COL25A1: variants seen among roughly 807,000 people sequenced by gnomAD.
The protein encoded by COL25A1 is collagen type XXV alpha 1 chain, also known as collagen alpha-1(XXV) chain.
Under a neutral mutation model 128.4 loss-of-function variants are expected in COL25A1, and 103 were observed. The observed-to-expected ratio is 0.80, with a 90% confidence interval of 0.68 to 0.94. The LOEUF is 0.94. Among genes scored for constraint, COL25A1 ranks in the 40% least tolerant of loss-of-function variants. COL25A1 has a pLI of 0.00. For missense variants in COL25A1, 745 were observed against 840.0 expected (o/e 0.89, Z 1.40); for synonymous variants, 279 against 277.2 (o/e 1.01, Z -0.06).
In COL25A1 at chr4:108,871,780, A is replaced by C. The variant is rs559604002; in HGVS notation, c.1021-2630T>G. Among the ~76,000 whole-genome samples the C allele has an allele frequency of 1.6e-4, 24 of 152,326 alleles. 1 individual carries two copies. Among genetic ancestry groups the C allele is most frequent in the African/African-American group, 5.8e-4 (24 of 41,582 alleles). On this transcript the variant is annotated intron_variant, in intron 19 of 37. Coordinates refer to ENST00000399132, the MANE Select transcript of COL25A1 (RefSeq NM_198721.4). ...TTAGGATCACAGTTTTCGTCTATTT[A>C]CTTCCAGAGGTCTGAATCACTTTAG...
chr4:109,084,102 G>A (rs759802856), intron 3 of COL25A1, among the ~76,000 whole-genome samples: 38 of 152,170 alleles, frequency 2.5e-4, no homozygotes, highest in African/African-American at 8.7e-4. Flanking sequence ...AGAACTTAGA[G>A]CTTCCTCATT....
At chr4:109,087,988 C>G (rs941408224) in intron 3 of COL25A1, among the ~76,000 whole-genome samples, 1 of 151,322 alleles carries the variant, frequency 6.6e-6, no homozygotes, top group Non-Finnish European at 1.5e-5. Context: ...TACTCTGAAG[C>G]TTCTGTGGTA....
At chr4:108,833,906 G>A (rs189498470) in intron 31 of COL25A1, among the ~76,000 whole-genome samples, 2 of 152,304 alleles carry the variant, frequency 1.3e-5, no homozygotes, top group Admixed American at 1.3e-4. Context: ...TTGAAAGTTA[G>A]TGCCAAGGAA....
Position 108,834,499 on chromosome 4 carries a change from C to T in COL25A1, c.1657-2066G>A, listed in dbSNP as rs114285458. The stretch of plus-strand genomic sequence containing the variant: ...ATGTAACACTTCAAACAACATAATA[C>T]GCAGTTACAGGGTTCTGGGATGAAT... On this transcript the variant is annotated intron_variant, in intron 31 of 37. Coordinates refer to ENST00000399132, the MANE Select transcript of COL25A1 (RefSeq NM_198721.4). 664 of 952,588 alleles carry T rather than the reference C, an allele frequency of 7.0e-4. 5 individuals are homozygous for T. In the African/African-American group the frequency reaches 9.3e-3, roughly 13 times the overall value. The allele number at this position is 952,588 out of a possible 1,614,324, so 59.0% of individuals were successfully genotyped here. A position where few individuals can be genotyped will look rare whatever the true frequency, so the allele number is the denominator to read the frequency against.
chr4:109,043,654 A>T (rs1270517995), intron 5 of COL25A1, among the ~76,000 whole-genome samples: 1 of 152,118 alleles, frequency 6.6e-6, no homozygotes, highest in Non-Finnish European at 1.5e-5. Context: ...TGACCTGTGA[A>T]TATTAGAATA....
At chr4:108,980,540 A>C (rs1752874032) in intron 6 of COL25A1, among the ~76,000 whole-genome samples, 1 of 152,204 alleles carries the variant, frequency 6.6e-6, no homozygotes, top group African/African-American at 2.4e-5. Flanking sequence ...TCAAATCCAC[A>C]GTGTTGGCAG....
At chr4:109,138,024 A>G (rs1409494717) in intron 3 of COL25A1, among the ~76,000 whole-genome samples, 1 of 91,324 alleles carries the variant, frequency 1.1e-5, no homozygotes, top group Admixed American at 1.2e-4. Context: ...GTTGGGATAC[A>G]TGTGCAGAAC....
At chr4:108,992,143 T>C (rs1754291028) in intron 6 of COL25A1, among the ~76,000 whole-genome samples, 1 of 152,202 alleles carries the variant, frequency 6.6e-6, no homozygotes, top group Admixed American at 6.5e-5. Flanking sequence ...TTTTTCTCAC[T>C]GAGTAATACA....
intron 6 of COL25A1, among the ~76,000 whole-genome samples, chr4:109,010,060 G>A (rs935523306): frequency 6.6e-6 from 1 of 152,106 alleles, no homozygotes; most frequent in South Asian, 2.1e-4. Flanking sequence ...GTTCATACTC[G>A]ACTTTTATGT....
At chr4:108,940,095 T>C (rs993348918) in intron 10 of COL25A1, among the ~76,000 whole-genome samples, 2 of 152,198 alleles carry the variant, frequency 1.3e-5, no homozygotes, top group African/African-American at 2.4e-5. Context: ...TAGGACTTTA[T>C]TGGTCTGCTA....
At chr4:109,255,971 C>T (rs1481360390) in intron 3 of COL25A1, among the ~76,000 whole-genome samples, 3 of 152,112 alleles carry the variant, frequency 2.0e-5, no homozygotes, top group Admixed American at 2.0e-4. Context: ...GCATACCTAG[C>T]TCCCACATCA....
intron 3 of COL25A1, among the ~76,000 whole-genome samples, chr4:109,246,214 T>C (rs968420070): frequency 6.6e-6 from 1 of 152,212 alleles, no homozygotes; most frequent in Admixed American, 6.5e-5. Flanking sequence ...AATATTCAAA[T>C]TGTCCTCAAG....
rs376988954 is a variant in COL25A1 at position 109,154,538 on chromosome 4, T to C, written c.368-104359A>G. On this transcript the variant is annotated intron_variant, in intron 3 of 37. Coordinates refer to ENST00000399132, the MANE Select transcript of COL25A1 (RefSeq NM_198721.4). ...GTTAGGGACTGCATGGTGTGACTGT[T>C]GGGTCAGGTCTGTGGGGCACATACA... Among the ~76,000 whole-genome samples the C allele has an allele frequency of 9.7e-4, 148 of 152,292 alleles. No individual in the cohort carries two copies. The East Asian group carries it at 0.017, about 17-fold the overall frequency.
chr4:108,835,460 T>C (rs1733660970), intron 31 of COL25A1, among the ~76,000 whole-genome samples: 1 of 152,218 alleles, frequency 6.6e-6, no homozygotes, highest in Non-Finnish European at 1.5e-5. Context: ...ACTCTACCAA[T>C]GATGTTATTC....
At chr4:108,960,079 G>A (rs1401491473) in intron 8 of COL25A1, among the ~76,000 whole-genome samples, 1 of 152,088 alleles carries the variant, frequency 6.6e-6, no homozygotes, top group Non-Finnish European at 1.5e-5. Context: ...GTATTCTAGA[G>A]TTTCCTAATA....
Position 109,302,293 on chromosome 4 carries a change from C to T in COL25A1, c.-181G>A. 1 of 451,512 alleles carries T rather than the reference C, an allele frequency of 2.2e-6. No homozygotes were observed. The allele number at this position is 451,512 out of a possible 1,614,324, so 28.0% of individuals were successfully genotyped here. A position where few individuals can be genotyped will look rare whatever the true frequency, so the allele number is the denominator to read the frequency against. On this transcript the variant is annotated 5_prime_UTR_variant, in exon 1 of 38. Coordinates refer to ENST00000399132, the MANE Select transcript of COL25A1 (RefSeq NM_198721.4). Reference sequence around the variant, plus strand: ...GGTGGCGGTGGGGTAAAAAGCAAGACGAAACCCACCCAGACAGCTCTTCCG... The same window carrying T: ...GGTGGCGGTGGGGTAAAAAGCAAGATGAAACCCACCCAGACAGCTCTTCCG...
intron 18 of COL25A1, among the ~76,000 whole-genome samples, chr4:108,885,053 G>A (rs1316875629): frequency 1.3e-5 from 2 of 152,146 alleles, no homozygotes; most frequent in African/African-American, 4.8e-5. Flanking sequence ...CCTCTCTGTT[G>A]GATTGAAGTG....
chr4:108,860,796 T>C (rs752921204), intron 23 of COL25A1, 131 bp downstream of exon 23: 15 of 775,830 alleles, frequency 1.9e-5, no homozygotes, highest in Non-Finnish European at 3.3e-5. Context: ...CAGGAATAAT[T>C]ACAGTAGTCT....
chr4:108,970,362 T>C (rs1751781576), intron 8 of COL25A1, among the ~76,000 whole-genome samples: 2 of 152,216 alleles, frequency 1.3e-5, no homozygotes, highest in African/African-American at 4.8e-5. Context: ...TTTCCATCTA[T>C]ATGACACAAT....
Sources: gnomAD v4.1 joint callset for allele counts (sites outside exome capture counted in the v4.1 genomes callset) on GRCh38, gnomAD v4.1.1 for gene constraint, MANE v1.5 for transcripts, NCBI Gene and HGNC (gene_info 2026-07-23, HGNC 2026-07-21) for gene names.